Variants in ZNF420 observed in about 807,000 individuals in gnomAD.
ZNF420 encodes the protein ATM and p53-associated KZNF protein.
ZNF420 carries 31 observed loss-of-function variants against 44.7 expected under a neutral mutation model. That is an observed-to-expected ratio of 0.69 (90% CI 0.52 to 0.94). ZNF420 has a LOEUF of 0.94. Ranked by LOEUF, ZNF420 falls within the 40% of genes least tolerant of loss-of-function variation. The pLI is 0.00. For missense variants in ZNF420, 681 were observed against 827.9 expected (o/e 0.82, Z 2.18); for synonymous variants, 245 against 267.4 (o/e 0.92, Z 0.82).
Position 37,129,809 on chromosome 19 carries a change from G to A in ZNF420, c.*751G>A. 1 of 440,640 alleles carries A rather than the reference G, an allele frequency of 2.3e-6. No individual in the cohort carries two copies. Among genetic ancestry groups the A allele is most frequent in the South Asian group, 3.6e-5 (1 of 27,490 alleles). The allele number at this position is 440,640 out of a possible 1,614,324, so 27.3% of individuals were successfully genotyped here. ...TATTGAGCACAGCTGTTAGAGAAGT[G>A]GGACAAGGTGTGAAGTGATTTTTAA... On this transcript the variant is annotated 3_prime_UTR_variant, in exon 5 of 5. Coordinates refer to ENST00000337995, the MANE Select transcript of ZNF420 (RefSeq NM_144689.5).
At position 37,129,500 on chromosome 19, in the gene ZNF420, C is replaced by T. The variant is rs1173030699; in HGVS notation, c.*442C>T. 1 of 165,238 alleles carries T rather than the reference C, an allele frequency of 6.1e-6. No homozygotes were observed. The highest frequency in any genetic ancestry group is 1.3e-5 in the Non-Finnish European group (1 of 76,012). The allele number at this position is 165,238 out of a possible 1,614,324, so 10.2% of individuals were successfully genotyped here. On this transcript the variant is annotated 3_prime_UTR_variant, in exon 5 of 5. Transcript: ENST00000337995. Reference sequence around the variant, plus strand: ...AGAATGGTGCCTTGAACGTAGCATACCACAAATATTAGCTACCATTTTCAC... The same window carrying T: ...AGAATGGTGCCTTGAACGTAGCATATCACAAATATTAGCTACCATTTTCAC...
intron 1 of ZNF420, among the ~76,000 whole-genome samples, chr19:37,024,120 A>G (rs867737001): frequency 2.6e-5 from 4 of 152,218 alleles, no homozygotes; most frequent in South Asian, 2.1e-4. Context: ...AGGTCTCCAC[A>G]ACCCCTTTTA....
At chr19:37,081,184 C>A (rs1220059428) in intron 2 of ZNF420, among the ~76,000 whole-genome samples, 1 of 151,558 alleles carries the variant, frequency 6.6e-6, no homozygotes, top group African/African-American at 2.4e-5. Flanking sequence ...GTCATGTTTT[C>A]AAATATTTTG....
intron 1 of ZNF420, among the ~76,000 whole-genome samples, chr19:37,052,901 G>A (rs1967666543): frequency 6.6e-6 from 1 of 152,160 alleles, no homozygotes; most frequent in Non-Finnish European, 1.5e-5. Flanking sequence ...GAATTTGAAT[G>A]TTGGCCTGCC....
intron 1 of ZNF420, among the ~76,000 whole-genome samples, chr19:37,023,329 C>G (rs551803641): frequency 6.6e-6 from 1 of 152,220 alleles, no homozygotes; most frequent in South Asian, 2.1e-4. Flanking sequence ...TTCGATAATG[C>G]AAAAATAGAA....
chr19:37,009,492 C>A (rs912814372), intron 1 of ZNF420, among the ~76,000 whole-genome samples: 2 of 152,314 alleles, frequency 1.3e-5, no homozygotes, highest in South Asian at 2.1e-4. Flanking sequence ...GTGACACACA[C>A]TCACCCCATC....
At chr19:37,083,366 A>G (rs975131983) in intron 2 of ZNF420, among the ~76,000 whole-genome samples, 2 of 152,144 alleles carry the variant, frequency 1.3e-5, no homozygotes, top group African/African-American at 4.8e-5. Context: ...GACTATATCT[A>G]TAAAGGGAGC....
At chr19:37,076,760 A>G (rs911475207), upstream of ZNF420, among the ~76,000 whole-genome samples, 1 of 152,082 alleles carries the variant, frequency 6.6e-6, no homozygotes, top group African/African-American at 2.4e-5. Context: ...CATTTTCTTA[A>G]TCCAGTCTAT....
chr19:37,036,219 G>A (rs568635078), intron 1 of ZNF420, among the ~76,000 whole-genome samples: 3 of 152,204 alleles, frequency 2.0e-5, no homozygotes, highest in African/African-American at 2.4e-5. Context: ...ATTTCAAAAT[G>A]GTTAGAAGAA....
rs559025763 is a variant in ZNF420, at chr19:37,018,829, C to G, written c.-125+10747C>G. 7.3e-4 allele frequency among the ~76,000 whole-genome samples: 111 copies of G among 152,248 alleles called. 2 individuals are homozygous for G. The South Asian group carries it at 0.019, about 26-fold the overall frequency. ...AAGTGACCCACCCACCTCAGCCTCC[C>G]AAAATGCTGGGATTACAGGCACAAG... On this transcript the variant is annotated intron_variant, in intron 1 of 4. Coordinates refer to the ZNF420 transcript ENST00000587029.
At chr19:37,016,292 A>T (rs2074607989) in intron 1 of ZNF420, among the ~76,000 whole-genome samples, 1 of 152,192 alleles carries the variant, frequency 6.6e-6, no homozygotes, top group Admixed American at 6.5e-5. Context: ...GCCTCTCAGC[A>T]CGGAACCATT....
intron 4 of ZNF420, chr19:37,115,030 A>G (rs1366077418): frequency 6.4e-6 from 1 of 157,428 alleles, no homozygotes; most frequent in African/African-American, 2.4e-5. Flanking sequence ...TAAGAGGCAT[A>G]TTTACTTTTA....
chr19:37,015,711 C>G (rs997233132), intron 1 of ZNF420, among the ~76,000 whole-genome samples: 50 of 152,156 alleles, frequency 3.3e-4, no homozygotes, highest in African/African-American at 1.2e-3. Context: ...CTCATTCTCC[C>G]CTTCCTCTTC....
intron 1 of ZNF420, among the ~76,000 whole-genome samples, chr19:37,036,925 G>A (rs775880359): frequency 2.4e-4 from 37 of 152,248 alleles, no homozygotes; most frequent in Non-Finnish European, 4.4e-4. Flanking sequence ...AAAGTTGAGT[G>A]TAGAATTCTC....
At chr19:37,117,035 C>T (rs529384816) in intron 4 of ZNF420, among the ~76,000 whole-genome samples, 4 of 152,322 alleles carry the variant, frequency 2.6e-5, no homozygotes, top group Non-Finnish European at 5.9e-5. Context: ...GGGCAGGGCA[C>T]AGACAAACAA....
chr19:37,066,672 ACT>A (rs1164994484), intron 1 of ZNF420, among the ~76,000 whole-genome samples: 1 of 152,064 alleles, frequency 6.6e-6, no homozygotes, highest in Non-Finnish European at 1.5e-5. Context: ...GGAGACTGAA[ACT>A]CTCATACTTT....
At chr19:37,029,819 T>C (rs557020989) in intron 1 of ZNF420, among the ~76,000 whole-genome samples, 1 of 152,322 alleles carries the variant, frequency 6.6e-6, no homozygotes, top group African/African-American at 2.4e-5. Flanking sequence ...TTTTTTTCTT[T>C]TTTTAAATGA....
chr19:37,115,195 G>A (rs12463101), intron 4 of ZNF420: 3,019 of 168,078 alleles, frequency 0.018, 81 homozygotes, highest in East Asian at 0.05. Flanking sequence ...TTGGACACCC[G>A]ATGAAGGAGT....
At chr19:37,078,782 T>A in intron 1 of ZNF420, among the ~76,000 whole-genome samples, 1 of 152,218 alleles carries the variant, frequency 6.6e-6, no homozygotes, top group Non-Finnish European at 1.5e-5. Context: ...TTTGTGACTG[T>A]TTGCTTACCT....
Sources: allele counts gnomAD v4.1 joint callset (sites outside exome capture counted in the v4.1 genomes callset), GRCh38; gene constraint gnomAD v4.1.1; transcripts MANE v1.5; gene names NCBI Gene and HGNC (gene_info 2026-07-23, HGNC 2026-07-21).